The following NREP variants were observed in gnomAD, a reference collection of about 807,000 sequenced individuals.
NREP encodes the protein neuronal regeneration-related protein.
NREP carries 5 observed loss-of-function variants against 8.6 expected under a neutral mutation model. The ratio of observed to expected loss-of-function variants is 0.58; its 90% CI spans 0.30 to 1.22. NREP has a LOEUF of 1.22. Ranked by LOEUF, NREP falls within the 50% of genes most tolerant of loss-of-function variation. The pLI is 0.07. For synonymous variants in NREP, 27 were observed against 28.0 expected (o/e 0.96, Z 0.11); for missense variants, 86 against 82.5 (o/e 1.04, Z -0.17).
At chr5:111,906,761 G>T (rs908505882) in intron 2 of NREP, among the ~76,000 whole-genome samples, 2 of 151,898 alleles carry the variant, frequency 1.3e-5, no homozygotes, top group African/African-American at 4.8e-5. Context: ...TTTCTCTAAG[G>T]ATATATGGTT....
intron 2 of NREP, among the ~76,000 whole-genome samples, chr5:111,955,220 G>A (rs1466461394): frequency 6.6e-6 from 1 of 152,076 alleles, no homozygotes; most frequent in African/African-American, 2.4e-5. Context: ...CATTTGTTGA[G>A]TACCATCTCA....
At chr5:111,954,314 A>AG (rs1561366148) in intron 2 of NREP, among the ~76,000 whole-genome samples, 2 of 152,128 alleles carry the variant, frequency 1.3e-5, no homozygotes, top group African/African-American at 4.8e-5. Flanking sequence ...TCTTTGGGTT[A>AG]GAAAAAAAAG....
chr5:111,957,422 T>G (rs1301244920), intron 2 of NREP, among the ~76,000 whole-genome samples: 2 of 151,728 alleles, frequency 1.3e-5, no homozygotes, highest in Admixed American at 6.6e-5. Flanking sequence ...AAACCACCCC[T>G]CCCCAAAGAC....
chr5:111,941,341 A>C (rs1755822923), intron 2 of NREP, among the ~76,000 whole-genome samples: 1 of 152,090 alleles, frequency 6.6e-6, no homozygotes, highest in Non-Finnish European at 1.5e-5. Flanking sequence ...CCACAGACTG[A>C]GTGGCTTACA....
chr5:111,751,114 G>C (rs1237182804), intron 2 of NREP, among the ~76,000 whole-genome samples: 1 of 152,122 alleles, frequency 6.6e-6, no homozygotes. Context: ...AATATGCATA[G>C]ATGAAATATT....
chr5:111,769,715 G>A (rs564445124), intron 2 of NREP, among the ~76,000 whole-genome samples: 19 of 152,304 alleles, frequency 1.2e-4, no homozygotes, highest in East Asian at 1.9e-4. Flanking sequence ...AAGCAAGCCC[G>A]TCTTACTATG....
intron 2 of NREP, among the ~76,000 whole-genome samples, chr5:111,870,260 T>C (rs1753759426): frequency 6.6e-6 from 1 of 152,070 alleles, no homozygotes; most frequent in Admixed American, 6.6e-5. Flanking sequence ...CGAAACCCTG[T>C]CTCTATTAAA....
At chr5:111,740,567 G>A (rs1749561709) in intron 2 of NREP, among the ~76,000 whole-genome samples, 1 of 151,910 alleles carries the variant, frequency 6.6e-6, no homozygotes, top group Non-Finnish European at 1.5e-5. Flanking sequence ...GGTAATTATT[G>A]CTTAGTATAA....
chr5:111,945,285 C>CT lies in NREP; in HGVS notation c.135+29988dup, dbSNP rs530602193. 3.8e-3 allele frequency among the ~76,000 whole-genome samples: 578 copies of CT among 151,506 alleles called. 5 individuals are homozygous for CT. Among genetic ancestry groups the CT allele is most frequent in the East Asian group, 0.024 (125 of 5,138 alleles). On this transcript the variant is annotated intron_variant, in intron 2 of 3. Coordinates refer to the NREP transcript ENST00000395634. The stretch of plus-strand genomic sequence containing the variant: ...ATTTGCTATAGTTTCTTATAAAGAA[C>CT]TTTTTTTTTATTATACTTTAAGTTT...
At chr5:111,839,357 A>G (rs1309795268) in intron 2 of NREP, among the ~76,000 whole-genome samples, 1 of 152,094 alleles carries the variant, frequency 6.6e-6, no homozygotes, top group Non-Finnish European at 1.5e-5. Context: ...GGATGGTTCA[A>G]TATGTAAGTT....
chr5:111,908,379 C>T (rs1754826787), intron 2 of NREP, among the ~76,000 whole-genome samples: 1 of 151,958 alleles, frequency 6.6e-6, no homozygotes, highest in Admixed American at 6.6e-5. Context: ...GATCCCATCA[C>T]GCAGGTAGTA....
intron 2 of NREP, among the ~76,000 whole-genome samples, chr5:111,960,782 C>T (rs1012046421): frequency 6.6e-6 from 1 of 151,992 alleles, no homozygotes; most frequent in African/African-American, 2.4e-5. Flanking sequence ...AAATAGACGT[C>T]TATATATTGT....
chr5:111,825,977 A>G (rs2112929225), intron 2 of NREP, among the ~76,000 whole-genome samples: 1 of 144,000 alleles, frequency 6.9e-6, no homozygotes, highest in East Asian at 2.0e-4. Flanking sequence ...TTTTTTTGAG[A>G]CAGTCTTGCT....
chr5:111,943,881 C>G (rs919067659), intron 2 of NREP, among the ~76,000 whole-genome samples: 4 of 152,088 alleles, frequency 2.6e-5, no homozygotes, highest in African/African-American at 4.8e-5. Flanking sequence ...TGTTCAGCAA[C>G]TTACGTTTTT....
At chr5:111,750,740 T>G (rs1444248351) in intron 2 of NREP, among the ~76,000 whole-genome samples, 1 of 152,134 alleles carries the variant, frequency 6.6e-6, no homozygotes, top group African/African-American at 2.4e-5. Flanking sequence ...ATACTGGGAG[T>G]AAAGCTCCTC....
Position 111,923,521 on chromosome 5 carries a change from G to A in NREP, c.135+51753C>T, listed in dbSNP as rs531337734. Among the ~76,000 whole-genome samples the A allele has an allele frequency of 2.6e-5, 4 of 152,296 alleles. No individual in the cohort carries two copies. In the East Asian group the frequency reaches 5.8e-4, roughly 22 times the overall value. On this transcript the variant is annotated intron_variant, in intron 2 of 3. Transcript: ENST00000395634. ...ACTAGTAGAGTCTGGTATTTAAGGA[G>A]GTGGCTATCTGTTAGCCAAAGGCCT... is the stretch of plus-strand genomic sequence containing the variant.
chr5:111,968,837 CCT>C (rs1230996664), intron 2 of NREP, among the ~76,000 whole-genome samples: 1 of 152,164 alleles, frequency 6.6e-6, no homozygotes, highest in East Asian at 1.9e-4. Context: ...CAGAAGTCCC[CCT>C]GTTGTCTACA....
chr5:111,945,899 C>T (rs190093296), intron 2 of NREP, among the ~76,000 whole-genome samples: 2 of 152,114 alleles, frequency 1.3e-5, no homozygotes, highest in East Asian at 3.9e-4. Context: ...TGTAGATTGG[C>T]TCACCTTGGA....
At chr5:111,908,493 A>G (rs899535964) in intron 2 of NREP, among the ~76,000 whole-genome samples, 4 of 151,920 alleles carry the variant, frequency 2.6e-5, no homozygotes, top group African/African-American at 9.7e-5. Context: ...ATGTGTACCC[A>G]ATATTTAGTT....
Sources: gnomAD v4.1 joint callset for allele counts (sites outside exome capture counted in the v4.1 genomes callset) on GRCh38, gnomAD v4.1.1 for gene constraint, MANE v1.5 for transcripts, NCBI Gene and HGNC (gene_info 2026-07-23, HGNC 2026-07-21) for gene names.